Variants in CCDC6 observed in about 807,000 individuals in gnomAD.
The protein encoded by CCDC6 is coiled-coil domain containing 6.
A neutral mutation model predicts 56.6 loss-of-function variants in CCDC6; 20 were observed. That is an observed-to-expected ratio of 0.35 (90% CI 0.25 to 0.51). The LOEUF is 0.51. CCDC6 is among the 20% of genes least tolerant of loss of function. The probability of loss-of-function intolerance (pLI) is 0.95; values close to 1 mark genes in which losing one functional copy is unlikely to be tolerated. For synonymous variants in CCDC6, 241 were observed against 234.4 expected, an observed-to-expected ratio of 1.03 and a Z score of -0.26; for missense variants, 367 against 601.1, an observed-to-expected ratio of 0.61 and a Z score of 4.07.
intron 3 of CCDC6, among the ~76,000 whole-genome samples, chr10:59,825,529 G>C (rs1165072069): frequency 6.6e-6 from 1 of 152,236 alleles, no homozygotes; most frequent in East Asian, 1.9e-4. Context: ...ACAGGAGTTA[G>C]TAAAACCACA....
At chr10:59,797,588 CAAAAAAAAAAAAAAA>C (rs10561094) in intron 7 of CCDC6, among the ~76,000 whole-genome samples, 39 of 31,598 alleles carry the variant, frequency 1.2e-3, no homozygotes, top group African/African-American at 5.9e-3. Context: ...AACCTCCTAG[CAAAAAAAAAAAAAAA>C]AAAAAAAAAA....
Position 59,794,506 on chromosome 10 carries a change from G to T in CCDC6, c.1197C>A (p.His399Gln). 1 of 1,614,132 alleles carries T rather than the reference G, an allele frequency of 6.2e-7. No homozygotes were observed. Among genetic ancestry groups the T allele is most frequent in the East Asian group, 2.2e-5 (1 of 44,876 alleles). ...GMSYYNSPGL[H>Q]VQHMGTSHGI... ...CATGGGATGTTCCCATGTGCTGCAC[G>T]TGAAGACCCGGGGAATTGTAATAAG... The change falls in exon 8 of 9, where the codon CAC becomes CAA. Residue 399 changes from histidine (H) to glutamine (Q), a missense_variant. Physicochemically the swap from His to Gln is conservative, Grantham distance 24. Around this residue, in one of 7 missense-constraint regions of CCDC6, gnomAD observed 79 missense variants for 83.9 expected, o/e 0.94. Transcript: ENST00000263102.
intron 3 of CCDC6, among the ~76,000 whole-genome samples, chr10:59,816,431 C>G (rs2070710245): frequency 6.6e-6 from 1 of 152,108 alleles, no homozygotes; most frequent in South Asian, 2.1e-4. Context: ...AAAACAGCAG[C>G]CAATGCATTG....
chr10:59,790,051 G>T lies in CCDC6; in HGVS notation c.*2866C>A, dbSNP rs534127842. ...AACGAAGGAGTAAGTTCAATTAAAG[G>T]CTTCCACTATCTGCCAAATTTCTAG... is the stretch of plus-strand genomic sequence containing the variant. On this transcript the variant is annotated 3_prime_UTR_variant, in exon 9 of 9. Transcript: ENST00000263102. The T allele has an allele frequency of 3.9e-4, 84 of 216,234 alleles. No individual in the cohort carries two copies. Among genetic ancestry groups the T allele is most frequent in the African/African-American group, 1.8e-3 (79 of 44,496 alleles). 13.4% of individuals were successfully genotyped at this position (216,234 alleles called of 1,614,324 possible).
intron 2 of CCDC6, among the ~76,000 whole-genome samples, chr10:59,845,273 C>T (rs2070981307): frequency 6.7e-6 from 1 of 150,238 alleles, no homozygotes; most frequent in Admixed American, 6.6e-5. Flanking sequence ...TCCCCTCTAT[C>T]TACTTTTTCT....
chr10:59,836,303 G>A (rs944133308), intron 2 of CCDC6, among the ~76,000 whole-genome samples: 2 of 152,130 alleles, frequency 1.3e-5, no homozygotes, highest in South Asian at 4.1e-4. Context: ...CCAACACCCT[G>A]AATTGACCTG....
At chr10:59,865,620 G>C (rs780260033) in intron 1 of CCDC6, among the ~76,000 whole-genome samples, 7 of 152,046 alleles carry the variant, frequency 4.6e-5, no homozygotes, top group Admixed American at 6.6e-5. Context: ...TTGGGAGGCC[G>C]AGGCGGGCAG....
In CCDC6 at chr10:59,792,738, T is replaced by C. The variant is rs776180994; in HGVS notation, c.*179A>G. ...GGAAAAAGTCGTCTGGTTAGTGTTG[T>C]AGACCCACAACACTGGCTGCATTTC... On this transcript the variant is annotated 3_prime_UTR_variant, in exon 9 of 9. Transcript: ENST00000263102. 6.4e-5 allele frequency: 51 copies of C among 791,158 alleles called. No homozygotes were observed. In the South Asian group the frequency reaches 6.7e-4, roughly 10 times the overall value. The allele number at this position is 791,158 out of a possible 1,614,324, so 49.0% of individuals were successfully genotyped here.
intron 3 of CCDC6, among the ~76,000 whole-genome samples, chr10:59,830,048 C>T (rs765541301): frequency 1.3e-5 from 2 of 152,170 alleles, no homozygotes; most frequent in Admixed American, 6.5e-5. Context: ...TACAGAGGAC[C>T]ACTCACCATT....
chr10:59,870,676 G>A (rs35165682), intron 1 of CCDC6, among the ~76,000 whole-genome samples: 5 of 152,268 alleles, frequency 3.3e-5, no homozygotes, highest in South Asian at 2.1e-4. Context: ...GGAGATGGAT[G>A]GAAGTGGTAT....
chr10:59,859,634 G>A (rs550116925), intron 1 of CCDC6, among the ~76,000 whole-genome samples: 1 of 152,212 alleles, frequency 6.6e-6, no homozygotes, highest in South Asian at 2.1e-4. Context: ...AAAGAAGCAA[G>A]ATGATGGAAA....
Position 59,829,388 on chromosome 10 carries a change from T to C in CCDC6, c.582+3137A>G, listed in dbSNP as rs190398645. On this transcript the variant is annotated intron_variant, in intron 3 of 8. Coordinates refer to ENST00000263102, the MANE Select transcript of CCDC6 (RefSeq NM_005436.5). ...TTGTTTCCACAATTTTAAGGAGAGT[T>C]ACCATGTGACCCAGCAATTTCACTC... 8.5e-5 allele frequency among the ~76,000 whole-genome samples: 13 copies of C among 152,354 alleles called. No homozygotes were observed. The East Asian group carries it at 2.5e-3, about 29-fold the overall frequency.
chr10:59,788,868 TCTCTAAA>T lies in CCDC6; in HGVS notation c.*4042_*4048del, dbSNP rs1273062505. On this transcript the variant is annotated 3_prime_UTR_variant, in exon 9 of 9. Coordinates refer to ENST00000263102, the MANE Select transcript of CCDC6 (RefSeq NM_005436.5). ...AGACATTAATTGAAAGTCTTACATC[TCTCTAAA>T]CTCTGACCAAGAATGTCAAGATTGC... 4.9e-6 allele frequency: 1 copy of T among 205,894 alleles called. No homozygotes were observed. Among genetic ancestry groups the T allele is most frequent in the Non-Finnish European group, 9.9e-6 (1 of 100,750 alleles). 12.8% of individuals were successfully genotyped at this position (205,894 alleles called of 1,614,324 possible).
chr10:59,862,554 CACAT>C lies in CCDC6; in HGVS notation c.304-9856_304-9853del, dbSNP rs371667444. Among the ~76,000 whole-genome samples, 494 of 104,186 alleles carry C rather than the reference CACAT, an allele frequency of 4.7e-3. 11 individuals carry two copies. The highest frequency in any genetic ancestry group is 6.5e-3 in the African/African-American group (118 of 18,214). The allele number at this position is 104,186 out of a possible 152,430, so 68.4% of individuals were successfully genotyped here. On this transcript the variant is annotated intron_variant, in intron 1 of 8. Coordinates refer to ENST00000263102, the MANE Select transcript of CCDC6 (RefSeq NM_005436.5). ...ACACACACACACACACACACACACA[CACAT>C]ATATATACACATACACACACACACA...
At chr10:59,822,237 C>T (rs1336755242) in intron 3 of CCDC6, among the ~76,000 whole-genome samples, 3 of 152,072 alleles carry the variant, frequency 2.0e-5, no homozygotes, top group Admixed American at 6.6e-5. Context: ...ATTAATATGC[C>T]ATTATTAACA....
chr10:59,837,482 AG>A (rs1798995412), intron 2 of CCDC6, among the ~76,000 whole-genome samples: 1 of 151,628 alleles, frequency 6.6e-6, no homozygotes, highest in South Asian at 2.1e-4. Flanking sequence ...CAGTGGCTCA[AG>A]CCTGTAATCC....
intron 3 of CCDC6, among the ~76,000 whole-genome samples, chr10:59,828,050 T>C (rs973253418): frequency 2.0e-5 from 3 of 152,214 alleles, no homozygotes; most frequent in Admixed American, 6.5e-5. Context: ...TAAACTAATG[T>C]GTGCCTTTTA....
intron 1 of CCDC6, among the ~76,000 whole-genome samples, chr10:59,872,407 C>T (rs2071237303): frequency 6.6e-6 from 1 of 152,216 alleles, no homozygotes; most frequent in African/African-American, 2.4e-5. Context: ...AAAGCTGTGT[C>T]TGTTTCCTGT....
At chr10:59,800,526 C>T (rs905589535) in intron 7 of CCDC6, among the ~76,000 whole-genome samples, 97 of 151,980 alleles carry the variant, frequency 6.4e-4, no homozygotes, top group African/African-American at 2.1e-3. Context: ...AATAGACATA[C>T]TGCCATTTGT....
Sources: gnomAD v4.1 joint callset for allele counts (sites outside exome capture counted in the v4.1 genomes callset) on GRCh38, gnomAD v4.1.1 for gene constraint, gnomAD v4.1.1 regional missense constraint, MANE v1.5 for transcripts, NCBI Gene and HGNC (gene_info 2026-07-23, HGNC 2026-07-21) for gene names.